The following ZDHHC3 variants were observed in gnomAD, a reference collection of about 807,000 sequenced individuals.
The protein encoded by ZDHHC3 is zDHHC palmitoyltransferase 3.
A neutral mutation model predicts 30.6 loss-of-function variants in ZDHHC3; 9 were observed. The observed-to-expected ratio is 0.29, with a 90% CI of 0.18 to 0.51. ZDHHC3 has a LOEUF of 0.51. Among genes scored for constraint, ZDHHC3 ranks in the 20% least tolerant of loss-of-function variants. The probability of loss-of-function intolerance (pLI) is 0.97; values close to 1 mark genes in which losing one functional copy is unlikely to be tolerated. For missense variants in ZDHHC3, 246 were observed against 384.2 expected (o/e 0.64, Z 3.01); for synonymous variants, 136 against 140.2 (o/e 0.97, Z 0.21).
chr3:44,933,870 A>T lies in ZDHHC3; in HGVS notation c.528+18T>A. On this transcript the variant is annotated intron_variant, in intron 4 of 6. Transcript: ENST00000424952. ...ATTGCTTCATGGGGGGCAGGGCAGA[A>T]TTTGCAAGCTGACTTACTGTAAACA... 1 of 1,613,200 alleles carries T rather than the reference A, an allele frequency of 6.2e-7. No individual in the cohort carries two copies. The highest frequency in any genetic ancestry group is 8.5e-7 in the Non-Finnish European group (1 of 1,179,160).
rs1700865499 is a variant in ZDHHC3 at position 44,924,941 on chromosome 3, CAGCACAAAGGA to C, written c.*1737_*1747del. 5.1e-6 allele frequency: 5 copies of C among 985,574 alleles called. No homozygotes were observed. The highest frequency in any genetic ancestry group is 6.0e-6 in the Non-Finnish European group (5 of 829,960). The allele number at this position is 985,574 out of a possible 1,614,324, so 61.1% of individuals were successfully genotyped here. On this transcript the variant is annotated 3_prime_UTR_variant, in exon 7 of 7. Coordinates refer to ENST00000424952, the MANE Select transcript of ZDHHC3 (RefSeq NM_001135179.2). ...CAGGAAAGCTCTTAGGAGAGCCCAT[CAGCACAAAGGA>C]ATTGATTCAGGCTGCAGAAAGCAAA...
At chr3:44,950,821 C>G (rs913013882) in intron 2 of ZDHHC3, among the ~76,000 whole-genome samples, 1 of 152,194 alleles carries the variant, frequency 6.6e-6, no homozygotes, top group Admixed American at 6.5e-5. Flanking sequence ...CCTGGACAGA[C>G]AGCAGGAGAT....
At chr3:44,968,147 A>G (rs568471437) in intron 1 of ZDHHC3, among the ~76,000 whole-genome samples, 2 of 151,888 alleles carry the variant, frequency 1.3e-5, no homozygotes, top group African/African-American at 4.8e-5. Flanking sequence ...TTTTCCACCC[A>G]AAGTTGGAAT....
intron 1 of ZDHHC3, among the ~76,000 whole-genome samples, chr3:44,971,029 A>G (rs752995493): frequency 3.3e-5 from 5 of 152,240 alleles, no homozygotes; most frequent in Non-Finnish European, 5.9e-5. Context: ...TCTTTCTACC[A>G]TAGATTGTTA....
rs1015589841 is a variant in ZDHHC3 at position 44,976,148 on chromosome 3, G to A, written c.-240C>T. The A allele has an allele frequency of 2.7e-6, 2 of 732,216 alleles. No homozygotes were observed. Among genetic ancestry groups the A allele is most frequent in the African/African-American group, 1.9e-5 (1 of 53,844 alleles). The allele number at this position is 732,216 out of a possible 1,614,324, so 45.4% of individuals were successfully genotyped here. On this transcript the variant is annotated 5_prime_UTR_variant, in exon 1 of 7. Coordinates refer to ENST00000424952, the MANE Select transcript of ZDHHC3 (RefSeq NM_001135179.2). ...TCTCCCGGCAGTGGCGGCGGCCGCGGCTGCAGGAGCGGCCGCCGCGCAGGT... is the reference window on the plus strand; with the variant it reads ...TCTCCCGGCAGTGGCGGCGGCCGCGACTGCAGGAGCGGCCGCCGCGCAGGT...
chr3:44,942,432 TG>T (rs1702522280), intron 3 of ZDHHC3, among the ~76,000 whole-genome samples: 1 of 152,228 alleles, frequency 6.6e-6, no homozygotes, highest in Admixed American at 6.5e-5. Context: ...GCTCTTGCTT[TG>T]CCCAAGCTGA....
At position 44,945,291 on chromosome 3, in the gene ZDHHC3, C is replaced by T; in HGVS notation, c.308G>A (p.Gly103Glu). 1 of 1,614,132 alleles carries T rather than the reference C, an allele frequency of 6.2e-7. No individual in the cohort carries two copies. Among genetic ancestry groups the T allele is most frequent in the Non-Finnish European group, 8.5e-7 (1 of 1,180,034 alleles). ...AGTGGCATTTCCTTTGGGCACTGCCCCCTGTAGGAAAGATGAAAGGTATCA... is the reference window on the plus strand; with the variant it reads ...AGTGGCATTTCCTTTGGGCACTGCCTCCTGTAGGAAAGATGAAAGGTATCA... ...SHCRAMLTDP[G>E]AVPKGNATKE... Residue 103 changes from glycine to glutamate, a missense_variant and splice_region_variant, in exon 3 of 7, where the codon GGG (glycine) becomes GAG (glutamate). By Grantham distance (98) the Gly-to-Glu change is moderately conservative. Transcript: ENST00000424952.
At chr3:44,950,462 G>A (rs972050784) in intron 2 of ZDHHC3, among the ~76,000 whole-genome samples, 1 of 152,276 alleles carries the variant, frequency 6.6e-6, no homozygotes, top group East Asian at 1.9e-4. Context: ...TTCTCATTAC[G>A]GCCTATTTAT....
At chr3:44,951,168 T>G in intron 2 of ZDHHC3, among the ~76,000 whole-genome samples, 1 of 152,202 alleles carries the variant, frequency 6.6e-6, no homozygotes, top group Non-Finnish European at 1.5e-5. Flanking sequence ...ATCTATAGGC[T>G]CATAAAAAGC....
intron 6 of ZDHHC3, among the ~76,000 whole-genome samples, chr3:44,928,758 G>A (rs1358740610): frequency 1.3e-5 from 2 of 152,166 alleles, no homozygotes; most frequent in African/African-American, 2.4e-5. Context: ...TAGGGGTGAG[G>A]AGAAGGCAGC....
In ZDHHC3 at chr3:44,921,926, C is replaced by T. The variant is rs1307367252; in HGVS notation, c.*4763G>A. ...CCCCTAGAAGGCTTTTAGCGAACGTCCCTCTGCAGCGCTTGTCCTCACTCC... is the reference window on the plus strand; with the variant it reads ...CCCCTAGAAGGCTTTTAGCGAACGTTCCTCTGCAGCGCTTGTCCTCACTCC... On this transcript the variant is annotated 3_prime_UTR_variant, in exon 7 of 7. Coordinates refer to ENST00000424952, the MANE Select transcript of ZDHHC3 (RefSeq NM_001135179.2). 2.5e-5 allele frequency: 25 copies of T among 985,330 alleles called. No individual in the cohort carries two copies. The highest frequency in any genetic ancestry group is 3.0e-5 in the Non-Finnish European group (25 of 829,938). 61.0% of individuals were successfully genotyped at this position (985,330 alleles called of 1,614,324 possible).
At chr3:44,929,203 C>T (rs1004318207) in intron 6 of ZDHHC3, 103 bp downstream of exon 6, 12 of 1,463,896 alleles carry the variant, frequency 8.2e-6, no homozygotes, top group African/African-American at 2.8e-5. Context: ...AGGGGCCTGA[C>T]CACTGGGCTC....
intron 2 of ZDHHC3, 114 bp from the exon 3 acceptor site, chr3:44,945,406 A>G: frequency 7.1e-7 from 1 of 1,402,426 alleles, no homozygotes; most frequent in Non-Finnish European, 9.9e-7. Flanking sequence ...TGGACAGGAC[A>G]CTTTGATACC....
rs1700275354 is a variant in ZDHHC3 at position 44,917,677 on chromosome 3, G to A, written c.*9012C>T. On this transcript the variant is annotated 3_prime_UTR_variant, in exon 7 of 7. Transcript: ENST00000424952. Reference sequence around the variant, plus strand: ...CTCTTCTTAGATGAACTCTGAGAAAGCCCCCATCCTCCTCTGATGTCCCCA... The same window carrying A: ...CTCTTCTTAGATGAACTCTGAGAAAACCCCCATCCTCCTCTGATGTCCCCA... 2.6e-6 allele frequency: 1 copy of A among 386,312 alleles called. No homozygotes were observed. Among genetic ancestry groups the A allele is most frequent in the African/African-American group, 2.1e-5 (1 of 47,264 alleles). The allele number at this position is 386,312 out of a possible 1,614,324, so 23.9% of individuals were successfully genotyped here.
intron 3 of ZDHHC3, among the ~76,000 whole-genome samples, chr3:44,942,453 T>C (rs960539704): frequency 5.9e-5 from 9 of 152,176 alleles, no homozygotes; most frequent in Non-Finnish European, 1.2e-4. Context: ...ATCTGTTTAC[T>C]AGCACACAAG....
At chr3:44,938,834 C>T (rs1702197702) in intron 3 of ZDHHC3, among the ~76,000 whole-genome samples, 1 of 152,200 alleles carries the variant, frequency 6.6e-6, no homozygotes, top group East Asian at 1.9e-4. Flanking sequence ...AACAGTCCTC[C>T]ACCACGGTGC....
intron 2 of ZDHHC3, chr3:44,958,552 G>T: frequency 6.6e-7 from 1 of 1,517,228 alleles, no homozygotes; most frequent in South Asian, 1.2e-5. Flanking sequence ...CTAAGTCATT[G>T]AGCAGAACAC....
At chr3:44,958,986 C>T (rs1231862494) in intron 2 of ZDHHC3, 145 bp downstream of exon 2, 44 of 998,536 alleles carry the variant, frequency 4.4e-5, no homozygotes, top group Non-Finnish European at 2.9e-6. Context: ...GAACTCTGAA[C>T]AAGGCAGAGA....
At position 44,929,383 on chromosome 3, in the gene ZDHHC3, A is replaced by G. The variant is rs773108218; in HGVS notation, c.664T>C (p.Phe222Leu). Residue 222 changes from phenylalanine (F) to leucine (L), a missense_variant, in exon 6 of 7, where the codon TTT (phenylalanine) becomes CTT (leucine). Transcript: ENST00000424952. ...TTVILLILLC[F>L]EGLLFLIFTS... ...AAAATGAGGAAGAGCAGGCCCTCAA[A>G]GCACAGCAGGATAAGGAGAATCACT... The G allele has an allele frequency of 6.2e-7, 1 of 1,614,152 alleles. No individual in the cohort carries two copies.
Sources: allele counts gnomAD v4.1 joint callset (sites outside exome capture counted in the v4.1 genomes callset), GRCh38; gene constraint gnomAD v4.1.1; transcripts MANE v1.5; gene names NCBI Gene and HGNC (gene_info 2026-07-23, HGNC 2026-07-21).